Variants in PSMC1 observed in about 807,000 individuals in gnomAD.
PSMC1 encodes the protein 26S proteasome regulatory subunit 4.
A neutral mutation model predicts 49.8 loss-of-function variants in PSMC1; 5 were observed. The observed-to-expected ratio is 0.10, with a 90% CI of 0.05 to 0.21. The LOEUF (loss-of-function observed/expected upper bound fraction) is 0.21. Among genes scored for constraint, PSMC1 ranks in the 10% least tolerant of loss-of-function variants. The pLI, the probability that PSMC1 is intolerant of heterozygous loss-of-function variation, is 1.00. For synonymous variants in PSMC1, 155 were observed against 192.1 expected (o/e 0.81, Z 1.60); for missense variants, 181 against 535.7 (o/e 0.34, Z 6.54).
intron 1 of PSMC1, among the ~76,000 whole-genome samples, chr14:90,256,853 T>TA (rs1227853505): frequency 6.6e-6 from 1 of 151,960 alleles, no homozygotes; most frequent in Non-Finnish European, 1.5e-5. Flanking sequence ...TCCTGCGTGG[T>TA]CTTGTGGGGC....
chr14:90,265,957 C>T (rs1392290129), intron 7 of PSMC1, among the ~76,000 whole-genome samples: 1 of 152,012 alleles, frequency 6.6e-6, no homozygotes. Context: ...TGGAGAAGTG[C>T]TACTTTAAAA....
chr14:90,264,445 T>G (rs1891465314), intron 6 of PSMC1, among the ~76,000 whole-genome samples: 1 of 152,240 alleles, frequency 6.6e-6, no homozygotes, highest in Non-Finnish European at 1.5e-5. Flanking sequence ...TGTTTCTGAT[T>G]ATGTTGACTT....
At chr14:90,265,406 C>T (rs1283180152) in intron 7 of PSMC1, among the ~76,000 whole-genome samples, 3 of 150,304 alleles carry the variant, frequency 2.0e-5, no homozygotes, top group South Asian at 2.1e-4. Flanking sequence ...ATTAGCTGGG[C>T]GTGGCCGGGC....
chr14:90,270,605 G>A (rs1285491642), intron 10 of PSMC1: 4 of 354,114 alleles, frequency 1.1e-5, no homozygotes, highest in Non-Finnish European at 2.0e-5. Flanking sequence ...CTAAGCCTTA[G>A]GCCCAGGTGA....
chr14:90,265,317 CCTTG>C, intron 7 of PSMC1, 151 bp downstream of exon 7: 1 of 486,454 alleles, frequency 2.1e-6, no homozygotes, highest in Non-Finnish European at 3.6e-6. Flanking sequence ...GTTGGAATCA[CCTTG>C]GGAGCTTTAA....
chr14:90,262,465 T>C (rs1595041223), intron 3 of PSMC1, among the ~76,000 whole-genome samples: 1 of 152,230 alleles, frequency 6.6e-6, no homozygotes, highest in East Asian at 1.9e-4. Flanking sequence ...GTTTTTGAAG[T>C]AACTTGGAAA....
chr14:90,265,911 A>G (rs1219819161), intron 7 of PSMC1, among the ~76,000 whole-genome samples: 2 of 151,974 alleles, frequency 1.3e-5, no homozygotes, highest in Non-Finnish European at 2.9e-5. Context: ...ATTTTGATCT[A>G]TTCATCTGGA....
Position 90,274,321 on chromosome 14 carries a change from G to C in PSMC1, c.*1914G>C, listed in dbSNP as rs986410970. 2.6e-5 allele frequency: 4 copies of C among 155,910 alleles called. No individual in the cohort carries two copies. Among genetic ancestry groups the C allele is most frequent in the African/African-American group, 9.6e-5 (4 of 41,514 alleles). The allele number at this position is 155,910 out of a possible 1,614,324, so 9.7% of individuals were successfully genotyped here. Reference sequence around the variant, plus strand: ...TGATGTGCAGTATGAGAGCCCAAGTGGGTGAGGAAGGCATCTGCAGGGACG... The same window carrying C: ...TGATGTGCAGTATGAGAGCCCAAGTCGGTGAGGAAGGCATCTGCAGGGACG... On this transcript the variant is annotated 3_prime_UTR_variant, in exon 11 of 11. Transcript: ENST00000261303.
At position 90,272,136 on chromosome 14, in the gene PSMC1, C is replaced by T. The variant is rs1483946327; in HGVS notation, c.1189-137C>T. 1.2e-6 allele frequency: 1 copy of T among 860,570 alleles called. No homozygotes were observed. The highest frequency in any genetic ancestry group is 1.8e-6 in the Non-Finnish European group (1 of 569,680). The allele number at this position is 860,570 out of a possible 1,614,324, so 53.3% of individuals were successfully genotyped here. A position where few individuals can be genotyped will look rare whatever the true frequency, so the allele number is the denominator to read the frequency against. On this transcript the variant is annotated intron_variant, in intron 10 of 10. Coordinates refer to ENST00000261303, the MANE Select transcript of PSMC1 (RefSeq NM_002802.3). This position sits in a 1 kb window ranked among gnomAD's most constrained non-coding sequence, Gnocchi z 4.5. The stretch of plus-strand genomic sequence containing the variant: ...CTTGAACTCCTGACCTTAGGCGATC[C>T]ACCTGCCTCGGCCTCCCAGAGTGCT...
intron 1 of PSMC1, among the ~76,000 whole-genome samples, chr14:90,257,230 T>C (rs917758932): frequency 1.3e-5 from 2 of 150,444 alleles, no homozygotes; most frequent in African/African-American, 4.9e-5. Flanking sequence ...TGTTAAACTT[T>C]TGGCTAGCTT....
At position 90,265,067 on chromosome 14, in the gene PSMC1, T is replaced by C. The variant is rs369728908; in HGVS notation, c.595-3T>C. 2.1e-5 allele frequency: 33 copies of C among 1,599,290 alleles called. No homozygotes were observed. In the African/African-American group the frequency reaches 2.5e-4, roughly 12 times the overall value. ...AGCCTTTCATTCATACTGTTTTTCA[T>C]AGGAATCTGTGGAGCTTCCTCTCAC... On this transcript the variant is annotated splice_polypyrimidine_tract_variant and splice_region_variant and intron_variant, in intron 6 of 10. Coordinates refer to ENST00000261303, the MANE Select transcript of PSMC1 (RefSeq NM_002802.3).
rs765458499 is a variant in PSMC1 at position 90,263,748 on chromosome 14, C to T, written c.366C>T (p.Ile122=). ...AGATCATTGATGACAATCATGCCAT[C>T]GTGTCTACATCTGTGGGCTCAGAAC... ...LEEIIDDNHA[I]VSTSVGSEHY... The change falls in exon 5 of 11, where the codon ATC becomes ATT. Residue 122 remains isoleucine (I), a synonymous_variant. Coordinates refer to ENST00000261303, the MANE Select transcript of PSMC1 (RefSeq NM_002802.3). The T allele has an allele frequency of 1.6e-5, 25 of 1,612,058 alleles. No individual in the cohort carries two copies. The East Asian group carries it at 1.6e-4, about 10-fold the overall frequency.
chr14:90,273,728 A>C lies in PSMC1; in HGVS notation c.*1321A>C, dbSNP rs1209082813. Reference sequence around the variant, plus strand: ...CTGAGGATTATTGTTGGCAGAATTTAATTTCTTGGAGTTGTGGGCCAGCTG... The same window carrying C: ...CTGAGGATTATTGTTGGCAGAATTTCATTTCTTGGAGTTGTGGGCCAGCTG... On this transcript the variant is annotated 3_prime_UTR_variant, in exon 11 of 11. Coordinates refer to ENST00000261303, the MANE Select transcript of PSMC1 (RefSeq NM_002802.3). 6.5e-6 allele frequency: 1 copy of C among 154,608 alleles called. No individual in the cohort carries two copies. Among genetic ancestry groups the C allele is most frequent in the African/African-American group, 2.4e-5 (1 of 41,502 alleles). The allele number at this position is 154,608 out of a possible 1,614,324, so 9.6% of individuals were successfully genotyped here.
chr14:90,256,705 T>G, intron 1 of PSMC1, 105 bp downstream of exon 1: 4 of 1,504,720 alleles, frequency 2.7e-6, no homozygotes, highest in Non-Finnish European at 3.6e-6. Flanking sequence ...GGGACAGCCC[T>G]CTTCTCCTTT....
rs931089534 is a variant in PSMC1 at position 90,273,240 on chromosome 14, C to CAA, written c.*834_*835dup. ...TATTAGTTTTCTGTTAATACTATAA[C>CAA]AAGTTACCACAGGCTTTGTTTAAAA... On this transcript the variant is annotated 3_prime_UTR_variant, in exon 11 of 11. Transcript: ENST00000261303. 6.6e-6 allele frequency: 1 copy of CAA among 152,090 alleles called. No homozygotes were observed. Among genetic ancestry groups the CAA allele is most frequent in the Non-Finnish European group, 1.5e-5 (1 of 68,022 alleles). 9.4% of individuals were successfully genotyped at this position (152,090 alleles called of 1,614,324 possible). A position where few individuals can be genotyped will look rare whatever the true frequency, so the allele number is the denominator to read the frequency against.
In PSMC1 at chr14:90,273,981, T is replaced by A. The variant is rs1368259612; in HGVS notation, c.*1574T>A. The stretch of plus-strand genomic sequence containing the variant: ...AATTTCCCTGTTTTAAAGTTTACAA[T>A]CTTCTTAATTTTTATCTGCAAAGTT... On this transcript the variant is annotated 3_prime_UTR_variant, in exon 11 of 11. Coordinates refer to ENST00000261303, the MANE Select transcript of PSMC1 (RefSeq NM_002802.3). 1.5e-5 allele frequency: 1 copy of A among 68,552 alleles called. No individual in the cohort carries two copies. The highest frequency in any genetic ancestry group is 4.0e-5 in the Non-Finnish European group (1 of 24,948). The allele number at this position is 68,552 out of a possible 1,614,324, so 4.2% of individuals were successfully genotyped here. A position where few individuals can be genotyped will look rare whatever the true frequency, so the allele number is the denominator to read the frequency against.
At chr14:90,260,306 A>G in intron 3 of PSMC1, 95 bp downstream of exon 3, 1 of 830,730 alleles carries the variant, frequency 1.2e-6, no homozygotes, top group East Asian at 2.5e-5. Flanking sequence ...AACAGGAAGT[A>G]GAGGGGCAAC....
chr14:90,269,339 T>G, intron 8 of PSMC1, 58 bp from the exon 9 acceptor site: 10 of 1,467,266 alleles, frequency 6.8e-6, no homozygotes, highest in Non-Finnish European at 9.2e-6. Flanking sequence ...TTGCTGTAAT[T>G]CCCCTTGAGC....
At position 90,263,335 on chromosome 14, in the gene PSMC1, T is replaced by C. The variant is rs777595073; in HGVS notation, c.172T>C (p.Cys58Arg). The C allele has an allele frequency of 2.5e-6, 4 of 1,596,934 alleles. No homozygotes were observed. Among genetic ancestry groups the C allele is most frequent in the Non-Finnish European group, 2.6e-6 (3 of 1,174,248 alleles). ...AATTTCAGTGACACCTCACACTCAG[T>C]GCCGGTTAAAATTACTGAAGTTAGA... Reference protein sequence around the residue: ...KLPLVTPHTQCRLKLLKLERI... With the variant: ...KLPLVTPHTQRRLKLLKLERI... Residue 58 changes from cysteine (C) to arginine (R), a missense_variant, in exon 4 of 11, where the codon TGC (cysteine) becomes CGC (arginine). Transcript: ENST00000261303.
Sources: allele counts gnomAD v4.1 joint callset (sites outside exome capture counted in the v4.1 genomes callset), GRCh38; gene constraint gnomAD v4.1.1; non-coding constraint Gnocchi (gnomAD v3.1); transcripts MANE v1.5; gene names NCBI Gene and HGNC (gene_info 2026-07-23, HGNC 2026-07-21).